Variants in ANKS1B observed in about 807,000 individuals in gnomAD.
ANKS1B encodes the protein ankyrin repeat and sterile alpha motif domain-containing protein 1B.
In ANKS1B, 36 loss-of-function variants were observed where a neutral mutation model predicts 148.3. That is an observed-to-expected ratio of 0.24 (90% CI 0.19 to 0.32). The LOEUF (loss-of-function observed/expected upper bound fraction) is 0.32. Among genes scored for constraint, ANKS1B ranks in the 10% least tolerant of loss-of-function variants. The pLI is 1.00. For synonymous variants in ANKS1B, 542 were observed against 560.8 expected, an observed-to-expected ratio of 0.97 and a Z score of 0.47; for missense variants, 1,157 against 1,542.6, an observed-to-expected ratio of 0.75 and a Z score of 4.19.
At chr12:99,775,491 C>G (rs1469174170) in intron 7 of ANKS1B, 57 bp downstream of exon 7, 3 of 1,214,152 alleles carry the variant, frequency 2.5e-6, no homozygotes, top group Non-Finnish European at 3.6e-6. Context: ...TTGAAATTTT[C>G]ACAACTGTAC....
chr12:98,856,051 T>A (rs1228709922), intron 17 of ANKS1B, among the ~76,000 whole-genome samples: 1 of 152,254 alleles, frequency 6.6e-6, no homozygotes, highest in Non-Finnish European at 1.5e-5. Flanking sequence ...GATTTTCTTA[T>A]CTGAATCATG....
chr12:99,329,958 T>C (rs988496086), intron 12 of ANKS1B, among the ~76,000 whole-genome samples: 1 of 151,932 alleles, frequency 6.6e-6, no homozygotes, highest in Non-Finnish European at 1.5e-5. Flanking sequence ...TTTATCATTG[T>C]TCTTATGTCC....
At chr12:98,773,271 C>T (rs2098617464) in intron 24 of ANKS1B, 92 bp from the exon 25 acceptor site, 1 of 1,452,008 alleles carries the variant, frequency 6.9e-7, no homozygotes, top group East Asian at 2.4e-5. Context: ...AGTTGCTTTC[C>T]TTCTTTCTGG....
At chr12:99,595,931 T>C (rs2097754967) in intron 9 of ANKS1B, among the ~76,000 whole-genome samples, 1 of 152,004 alleles carries the variant, frequency 6.6e-6, no homozygotes, top group Admixed American at 6.6e-5. Context: ...TTTGGTTCAT[T>C]GGCAAATGTT....
At chr12:98,992,054 T>G (rs1598145924) in intron 17 of ANKS1B, among the ~76,000 whole-genome samples, 1 of 152,098 alleles carries the variant, frequency 6.6e-6, no homozygotes, top group African/African-American at 2.4e-5. Flanking sequence ...GGGGCAGGGG[T>G]AGGTTACAGG....
At chr12:99,928,275 T>TATTTTA (rs1555250636) in intron 1 of ANKS1B, among the ~76,000 whole-genome samples, 6 of 131,292 alleles carry the variant, frequency 4.6e-5, no homozygotes, top group African/African-American at 1.6e-4. Context: ...TATTTTATTT[T>TATTTTA]TTTTTTTTTT....
At chr12:99,329,359 T>A (rs2087057338) in intron 12 of ANKS1B, among the ~76,000 whole-genome samples, 1 of 151,954 alleles carries the variant, frequency 6.6e-6, no homozygotes, top group Non-Finnish European at 1.5e-5. Context: ...TGCCTGTACA[T>A]TTTGATTATG....
At chr12:99,536,730 C>A (rs1298149539) in intron 9 of ANKS1B, among the ~76,000 whole-genome samples, 1 of 152,082 alleles carries the variant, frequency 6.6e-6, no homozygotes, top group Non-Finnish European at 1.5e-5. Flanking sequence ...ACGGGGTATC[C>A]AATCCCTCAA....
chr12:99,495,342 A>AGTGTGTGT (rs56107230), intron 10 of ANKS1B, among the ~76,000 whole-genome samples: 2,072 of 145,362 alleles, frequency 0.014, 22 homozygotes, highest in East Asian at 0.03. Flanking sequence ...GGGGAGAAAA[A>AGTGTGTGT]GTGTGTGTGT....
intron 14 of ANKS1B, among the ~76,000 whole-genome samples, chr12:99,166,571 G>A (rs2077204136): frequency 6.6e-6 from 1 of 151,954 alleles, no homozygotes; most frequent in Non-Finnish European, 1.5e-5. Context: ...GTCAAAAGAT[G>A]TGTCAAGACC....
chr12:98,987,712 A>G (rs2099924285), intron 17 of ANKS1B, among the ~76,000 whole-genome samples: 1 of 152,142 alleles, frequency 6.6e-6, no homozygotes, highest in Admixed American at 6.6e-5. Context: ...AACAAAGACT[A>G]TTAGCTCTAA....
intron 16 of ANKS1B, among the ~76,000 whole-genome samples, chr12:99,055,493 C>A (rs749172463): frequency 1.3e-5 from 2 of 152,192 alleles, no homozygotes; most frequent in Non-Finnish European, 2.9e-5. Context: ...CCCCCAAGCA[C>A]TTACACAACA....
At position 99,201,746 on chromosome 12, in the gene ANKS1B, A is replaced by G. The variant is rs545423688; in HGVS notation, c.2419+42596T>C. Among the ~76,000 whole-genome samples, 10 of 152,328 alleles carry G rather than the reference A, an allele frequency of 6.6e-5. No individual in the cohort carries two copies. The East Asian group carries it at 1.9e-3, about 29-fold the overall frequency. The stretch of plus-strand genomic sequence containing the variant: ...AAGAAAACACACATTTACAAGTCAA[A>G]TCATGTGAAATCTTTGATAAGGAAA... On this transcript the variant is annotated intron_variant, in intron 14 of 26. Coordinates refer to ENST00000683438, the MANE Select transcript of ANKS1B (RefSeq NM_001352186.2).
chr12:99,571,034 T>G (rs2097449987), intron 9 of ANKS1B, among the ~76,000 whole-genome samples: 1 of 152,154 alleles, frequency 6.6e-6, no homozygotes, highest in South Asian at 2.1e-4. Flanking sequence ...AACTAAATTT[T>G]TATGTTAAAA....
chr12:99,233,266 T>C (rs1026273113), intron 14 of ANKS1B, among the ~76,000 whole-genome samples: 4 of 152,052 alleles, frequency 2.6e-5, no homozygotes, highest in African/African-American at 7.2e-5. Context: ...TAAACTGTAG[T>C]AGTACAGTGT....
intron 1 of ANKS1B, among the ~76,000 whole-genome samples, chr12:99,947,741 T>C (rs1195164512): frequency 1.3e-5 from 2 of 152,130 alleles, no homozygotes; most frequent in African/African-American, 2.4e-5. Context: ...GGCTCTTATC[T>C]GGAAGTTCTA....
At chr12:99,346,216 T>A (rs1031593502) in intron 12 of ANKS1B, among the ~76,000 whole-genome samples, 1 of 152,002 alleles carries the variant, frequency 6.6e-6, no homozygotes, top group Non-Finnish European at 1.5e-5. Flanking sequence ...TTTGAAGTCC[T>A]TGGTTTTAGC....
chr12:98,821,275 T>A (rs749936317), intron 19 of ANKS1B, among the ~76,000 whole-genome samples: 12 of 152,240 alleles, frequency 7.9e-5, no homozygotes, highest in Non-Finnish European at 1.6e-4. Context: ...TATAGCAATT[T>A]TCCATCAGAC....
In ANKS1B at chr12:99,832,782, T is replaced by A. The variant is rs73374325; in HGVS notation, c.135-7393A>T. Reference sequence around the variant, plus strand: ...TCATAAATGCCCAGCAAAAAAAAAATAAAAAATTAATTAGTCCAATAGCTG... The same window carrying A: ...TCATAAATGCCCAGCAAAAAAAAAAAAAAAAATTAATTAGTCCAATAGCTG... On this transcript the variant is annotated intron_variant, in intron 1 of 26. Coordinates refer to ENST00000683438, the MANE Select transcript of ANKS1B (RefSeq NM_001352186.2). Among the ~76,000 whole-genome samples the A allele has an allele frequency of 2.7e-3, 385 of 144,942 alleles. 2 individuals are homozygous for A. Among genetic ancestry groups the A allele is most frequent in the African/African-American group, 9.2e-3 (360 of 39,218 alleles).
Sources: allele counts gnomAD v4.1 joint callset (sites outside exome capture counted in the v4.1 genomes callset), GRCh38; gene constraint gnomAD v4.1.1; transcripts MANE v1.5; gene names NCBI Gene and HGNC (gene_info 2026-07-23, HGNC 2026-07-21).